The following ERBB4 variants were observed in gnomAD, a reference collection of about 807,000 sequenced individuals.
The protein encoded by ERBB4 is erb-b2 receptor tyrosine kinase 4, also known as receptor tyrosine-protein kinase erbB-4.
In ERBB4, 42 loss-of-function variants were observed where a neutral mutation model predicts 158.0. The ratio of observed to expected loss-of-function variants is 0.27; its 90% CI spans 0.21 to 0.34. ERBB4 has a LOEUF of 0.34. ERBB4 is among the 10% of genes least tolerant of loss of function. The probability of loss-of-function intolerance (pLI) is 1.00; values close to 1 mark genes in which losing one functional copy is unlikely to be tolerated. For missense variants in ERBB4, 1,333 were observed against 1,624.1 expected, an observed-to-expected ratio of 0.82 and a Z score of 3.08; for synonymous variants, 583 against 558.7, an observed-to-expected ratio of 1.04 and a Z score of -0.61.
intron 1 of ERBB4, among the ~76,000 whole-genome samples, chr2:212,127,876 T>C (rs1258743917): frequency 6.6e-6 from 1 of 152,130 alleles, no homozygotes; most frequent in Non-Finnish European, 1.5e-5. Flanking sequence ...CAAGGAAGAA[T>C]TCTACCTGGA....
intron 2 of ERBB4, among the ~76,000 whole-genome samples, chr2:212,102,101 T>C (rs2079103057): frequency 7.7e-6 from 1 of 130,630 alleles, no homozygotes; most frequent in South Asian, 2.3e-4. Flanking sequence ...TATATATATA[T>C]ATATATATAT....
At chr2:212,215,410 AT>A (rs2083067645) in intron 1 of ERBB4, among the ~76,000 whole-genome samples, 1 of 151,470 alleles carries the variant, frequency 6.6e-6, no homozygotes, top group South Asian at 2.1e-4. Context: ...TCAAATTGCC[AT>A]TTTTCATCAT....
intron 1 of ERBB4, among the ~76,000 whole-genome samples, chr2:212,327,157 C>T (rs2087882532): frequency 6.6e-6 from 1 of 150,642 alleles, no homozygotes; most frequent in African/African-American, 2.4e-5. Context: ...CTTCTGGTTA[C>T]ATGATAAACA....
intron 1 of ERBB4, among the ~76,000 whole-genome samples, chr2:212,213,820 T>G (rs1245529336): frequency 2.0e-5 from 3 of 151,806 alleles, no homozygotes; most frequent in African/African-American, 7.2e-5. Context: ...TGCTTTCTAT[T>G]TTAGGTTGTA....
At position 211,767,116 on chromosome 2, in the gene ERBB4, A is replaced by T. The variant is rs1430409955; in HGVS notation, c.557-16412T>A. Among the ~76,000 whole-genome samples, 10 of 152,156 alleles carry T rather than the reference A, an allele frequency of 6.6e-5. No individual in the cohort carries two copies. In the East Asian group the frequency reaches 1.9e-3, roughly 29 times the overall value. On this transcript the variant is annotated intron_variant, in intron 4 of 27. Transcript: ENST00000342788. ...GAGTCGCTTGCTCAAGGCTACTCCCACTCTGTGTAGAGTACTTTTGTTTTA... is the reference window on the plus strand; with the variant it reads ...GAGTCGCTTGCTCAAGGCTACTCCCTCTCTGTGTAGAGTACTTTTGTTTTA...
At chr2:212,510,444 G>T (rs142116054) in intron 1 of ERBB4, among the ~76,000 whole-genome samples, 2 of 151,898 alleles carry the variant, frequency 1.3e-5, no homozygotes, top group Admixed American at 1.3e-4. Context: ...TACTGACCTT[G>T]TCACCTCACA....
rs564412801 is a variant in ERBB4, at chr2:211,987,330, C to CAA, written c.235-39716_235-39715dup. Among the ~76,000 whole-genome samples the CAA allele has an allele frequency of 8.9e-4, 50 of 56,182 alleles. 1 individual carries two copies. The highest frequency in any genetic ancestry group is 3.1e-3 in the South Asian group (4 of 1,306). 36.9% of individuals were successfully genotyped at this position (56,182 alleles called of 152,430 possible). On this transcript the variant is annotated intron_variant, in intron 2 of 27. Coordinates refer to ENST00000342788, the MANE Select transcript of ERBB4 (RefSeq NM_005235.3). ...AGGGAGACTCCATCTCAAGAAAAGACAAAAAAAAAAAAAAGAAAGAAATCT... is the reference window on the plus strand; with the variant it reads ...AGGGAGACTCCATCTCAAGAAAAGACAAAAAAAAAAAAAAAAGAAAGAAATCT...
intron 12 of ERBB4, among the ~76,000 whole-genome samples, chr2:211,687,504 TTGTTATTTTTAGCATTGTA>T (rs369858138): frequency 3.3e-5 from 5 of 151,834 alleles, no homozygotes; most frequent in East Asian, 1.9e-4. Flanking sequence ...GTTTGTTTGT[TTGTTATTTTTAGCATTGTA>T]TGTTTGTTTG....
chr2:212,301,576 T>C (rs12990123), intron 1 of ERBB4, among the ~76,000 whole-genome samples: 1 of 151,424 alleles, frequency 6.6e-6, no homozygotes, highest in Non-Finnish European at 1.5e-5. Context: ...CATATCTTGG[T>C]AAACATGACA....
chr2:211,663,696 G>A (rs1240073789), intron 15 of ERBB4, among the ~76,000 whole-genome samples: 2 of 152,002 alleles, frequency 1.3e-5, no homozygotes, highest in African/African-American at 4.8e-5. Context: ...TTCTCTAATG[G>A]CCTCATTGTA....
At chr2:211,772,834 TACAC>T (rs1553629886) in intron 4 of ERBB4, among the ~76,000 whole-genome samples, 715 of 10,094 alleles carry the variant, frequency 0.071, 68 homozygotes, top group Middle Eastern at 0.17. Context: ...TATATATATA[TACAC>T]ATATATATAT....
chr2:212,422,661 T>C (rs554758343), intron 1 of ERBB4, among the ~76,000 whole-genome samples: 2 of 152,362 alleles, frequency 1.3e-5, no homozygotes, highest in South Asian at 2.1e-4. Flanking sequence ...CCTTTTACTG[T>C]GAGAGCGAAG....
intron 1 of ERBB4, among the ~76,000 whole-genome samples, chr2:212,133,653 A>C (rs2080180346): frequency 1.3e-5 from 2 of 151,700 alleles, no homozygotes; most frequent in South Asian, 4.2e-4. Flanking sequence ...GAATGAAAAA[A>C]AAAAAAGGTA....
intron 1 of ERBB4, among the ~76,000 whole-genome samples, chr2:212,261,782 T>A (rs1312485600): frequency 6.6e-6 from 1 of 152,146 alleles, no homozygotes; most frequent in Non-Finnish European, 1.5e-5. Context: ...AAAAAACAAT[T>A]GTACATGTGT....
chr2:212,058,068 T>A (rs533809928), intron 2 of ERBB4, among the ~76,000 whole-genome samples: 1 of 151,962 alleles, frequency 6.6e-6, no homozygotes, highest in South Asian at 2.1e-4. Flanking sequence ...GAGAGAAGAA[T>A]CAAATAGACG....
At chr2:212,240,105 C>T (rs912069455) in intron 1 of ERBB4, among the ~76,000 whole-genome samples, 13 of 152,082 alleles carry the variant, frequency 8.5e-5, no homozygotes, top group African/African-American at 2.4e-4. Flanking sequence ...AAATTAAATG[C>T]GTCTTATTTG....
intron 2 of ERBB4, among the ~76,000 whole-genome samples, chr2:212,024,455 C>T (rs2125334534): frequency 6.6e-6 from 1 of 152,040 alleles, no homozygotes; most frequent in South Asian, 2.1e-4. Context: ...CAAAGAAAAT[C>T]CCTTATTGCT....
intron 1 of ERBB4, among the ~76,000 whole-genome samples, chr2:212,345,379 A>G (rs1195631443): frequency 6.6e-6 from 1 of 152,112 alleles, no homozygotes. Context: ...TATGGTTTTC[A>G]AAGTGGAGCA....
chr2:212,382,049 C>T (rs1243873356), intron 1 of ERBB4, among the ~76,000 whole-genome samples: 1 of 150,748 alleles, frequency 6.6e-6, no homozygotes, highest in Non-Finnish European at 1.5e-5. Flanking sequence ...ATTTTAGACA[C>T]CTCCCCAGGC....
Sources: allele counts gnomAD v4.1 joint callset (sites outside exome capture counted in the v4.1 genomes callset), GRCh38; gene constraint gnomAD v4.1.1; transcripts MANE v1.5; gene names NCBI Gene and HGNC (gene_info 2026-07-23, HGNC 2026-07-21).